ETV1: variants seen among roughly 807,000 people sequenced by gnomAD.
ETV1 encodes the protein ETS translocation variant 1.
Under a neutral mutation model 62.3 loss-of-function variants are expected in ETV1, and 27 were observed. The ratio of observed to expected loss-of-function variants is 0.43; its 90% CI spans 0.32 to 0.60. The LOEUF (loss-of-function observed/expected upper bound fraction) is 0.60, where lower values mean the gene tolerates loss of function less well. Ranked by LOEUF, ETV1 falls within the 20% of genes least tolerant of loss-of-function variation. ETV1 has a pLI of 0.06. For synonymous variants in ETV1, 222 were observed against 199.6 expected, an observed-to-expected ratio of 1.11 and a Z score of -0.94; for missense variants, 605 against 605.8, an observed-to-expected ratio of 1.00 and a Z score of 0.01.
intron 7 of ETV1, among the ~76,000 whole-genome samples, 153 bp downstream of exon 7, chr7:13,938,964 G>C (rs530700351): frequency 3.3e-5 from 5 of 152,278 alleles, no homozygotes; most frequent in Non-Finnish European, 5.9e-5. Context: ...GATGGTAAAT[G>C]GTTCTTTAGA....
chr7:13,986,258 C>T lies in ETV1; in HGVS notation c.181+380G>A, dbSNP rs182831375. ...GAACACCAAATAATGATATGCGCTGCTCTAAAGGAAACAGCAAGCCAGCCG... is the reference window on the plus strand; with the variant it reads ...GAACACCAAATAATGATATGCGCTGTTCTAAAGGAAACAGCAAGCCAGCCG... On this transcript the variant is annotated intron_variant, in intron 5 of 13. Coordinates refer to ENST00000430479, the MANE Select transcript of ETV1 (RefSeq NM_004956.5). 9.3e-5 allele frequency: 142 copies of T among 1,523,956 alleles called. No homozygotes were observed. The African/African-American group carries it at 1.8e-3, about 19-fold the overall frequency. 94.4% of individuals were successfully genotyped at this position (1,523,956 alleles called of 1,614,324 possible). A position where few individuals can be genotyped will look rare whatever the true frequency, so the allele number is the denominator to read the frequency against.
Position 13,902,212 on chromosome 7 carries a change from G to T in ETV1, c.1111-1373C>A, listed in dbSNP as rs112827136. On this transcript the variant is annotated intron_variant, in intron 12 of 13. Transcript: ENST00000430479. ...TATGTCATATATACTAAAATAGATT[G>T]CTTTTCAAAGAGATCATTCTGTCTC... 3.0e-3 allele frequency among the ~76,000 whole-genome samples: 461 copies of T among 151,832 alleles called. 3 individuals are homozygous for T. Among genetic ancestry groups the T allele is most frequent in the Non-Finnish European group, 5.1e-3 (347 of 67,956 alleles).
At chr7:13,909,782 A>G in intron 10 of ETV1, 82 bp from the exon 11 acceptor site, 1 of 1,221,972 alleles carries the variant, frequency 8.2e-7, no homozygotes, top group South Asian at 1.3e-5. Context: ...TAACATAAAA[A>G]TTGTGATAGA....
chr7:13,947,117 CCAAA>C (rs1482913574), intron 6 of ETV1, among the ~76,000 whole-genome samples: 1 of 152,120 alleles, frequency 6.6e-6, no homozygotes, highest in Non-Finnish European at 1.5e-5. Flanking sequence ...GAATAACTTC[CCAAA>C]CAATCATAAC....
chr7:13,909,743 A>G (rs770675563), intron 10 of ETV1, 43 bp from the exon 11 acceptor site: 1 of 1,493,504 alleles, frequency 6.7e-7, no homozygotes, highest in Admixed American at 1.7e-5. Context: ...ATAGAAATGA[A>G]GCTCACAAAC....
In ETV1 at chr7:13,988,328, T is replaced by C. The variant is rs574048831; in HGVS notation, c.46-155A>G. 36 of 597,384 alleles carry C rather than the reference T, an allele frequency of 6.0e-5. No individual in the cohort carries two copies. In the South Asian group the frequency reaches 6.8e-4, roughly 11 times the overall value. The allele number at this position is 597,384 out of a possible 1,614,324, so 37.0% of individuals were successfully genotyped here. Reference sequence around the variant, plus strand: ...TAGAAGTCCATAGTATCAACTCTAATATTCATTTTCTCACTTATTTGACAG... The same window carrying C: ...TAGAAGTCCATAGTATCAACTCTAACATTCATTTTCTCACTTATTTGACAG... On this transcript the variant is annotated intron_variant, in intron 3 of 13. Coordinates refer to ENST00000430479, the MANE Select transcript of ETV1 (RefSeq NM_004956.5).
rs1008840871 is a variant in ETV1 at position 13,891,509 on chromosome 7, T to C, written c.*4357A>G. On this transcript the variant is annotated 3_prime_UTR_variant, in exon 14 of 14. Coordinates refer to ENST00000430479, the MANE Select transcript of ETV1 (RefSeq NM_004956.5). Reference sequence around the variant, plus strand: ...ACTGAAAATTCTGAAATCATTAATATTTCTATAAAGATATCCACTTAGTCT... The same window carrying C: ...ACTGAAAATTCTGAAATCATTAATACTTCTATAAAGATATCCACTTAGTCT... 4.3e-6 allele frequency: 1 copy of C among 231,730 alleles called. No homozygotes were observed. The highest frequency in any genetic ancestry group is 5.6e-5 in the Admixed American group (1 of 17,728). 14.4% of individuals were successfully genotyped at this position (231,730 alleles called of 1,614,324 possible).
At chr7:13,911,919 C>T (rs1783607013) in intron 9 of ETV1, among the ~76,000 whole-genome samples, 1 of 152,052 alleles carries the variant, frequency 6.6e-6, no homozygotes. Flanking sequence ...CATTTTAGCC[C>T]AACTTCTTAA....
chr7:13,956,426 T>C (rs778919677), intron 6 of ETV1, among the ~76,000 whole-genome samples: 7 of 152,134 alleles, frequency 4.6e-5, no homozygotes, highest in Non-Finnish European at 8.8e-5. Flanking sequence ...ATCATTTCCA[T>C]CCTTCAGGAA....
intron 6 of ETV1, among the ~76,000 whole-genome samples, chr7:13,958,058 G>C (rs1789701020): frequency 6.6e-6 from 1 of 152,116 alleles, no homozygotes; most frequent in South Asian, 2.1e-4. Context: ...TAAATTCTTA[G>C]CCAGTGACTA....
chr7:13,924,889 G>T (rs1406822728), intron 9 of ETV1, among the ~76,000 whole-genome samples: 1 of 152,042 alleles, frequency 6.6e-6, no homozygotes, highest in Non-Finnish European at 1.5e-5. Context: ...ATTTATTTGT[G>T]TCAACTTCCC....
In ETV1 at chr7:13,989,375, G is replaced by T. The variant is rs1051339943; in HGVS notation, c.-195C>A. Reference sequence around the variant, plus strand: ...ATTTACACTCTCGATGTTTCCCTGCGCGGTCGGTGTACCCCGGGCAGCTCT... The same window carrying T: ...ATTTACACTCTCGATGTTTCCCTGCTCGGTCGGTGTACCCCGGGCAGCTCT... On this transcript the variant is annotated 5_prime_UTR_variant, in exon 2 of 14. Transcript: ENST00000430479. 4.1e-6 allele frequency: 2 copies of T among 484,358 alleles called. No individual in the cohort carries two copies. The highest frequency in any genetic ancestry group is 4.0e-5 in the African/African-American group (2 of 49,952). 30.0% of individuals were successfully genotyped at this position (484,358 alleles called of 1,614,324 possible). A position where few individuals can be genotyped will look rare whatever the true frequency, so the allele number is the denominator to read the frequency against.
chr7:13,988,625 A>AG, intron 3 of ETV1: 1 of 1,531,812 alleles, frequency 6.5e-7, no homozygotes, highest in South Asian at 1.3e-5. Context: ...AATGAGAAAA[A>AG]AAAAAGAAAC....
At chr7:13,911,076 G>C (rs1216161964) in intron 10 of ETV1, among the ~76,000 whole-genome samples, 163 bp downstream of exon 10, 1 of 152,132 alleles carries the variant, frequency 6.6e-6, no homozygotes, top group Admixed American at 6.5e-5. Context: ...ACCACTACTT[G>C]AAACATCTTC....
chr7:13,915,508 C>A lies in ETV1; in HGVS notation c.803-4201G>T, dbSNP rs143570967. The stretch of plus-strand genomic sequence containing the variant: ...CATTTTATCTCTTTTAAACTTAGTA[C>A]TTCACTAGATTTTTTGTTTGCTTAC... On this transcript the variant is annotated intron_variant, in intron 9 of 13. Transcript: ENST00000430479. Among the ~76,000 whole-genome samples the A allele has an allele frequency of 1.1e-4, 17 of 152,230 alleles. No individual in the cohort carries two copies. In the East Asian group the frequency reaches 3.3e-3, roughly 29 times the overall value.
intron 6 of ETV1, among the ~76,000 whole-genome samples, chr7:13,960,530 G>A (rs1290008318): frequency 6.6e-6 from 1 of 151,894 alleles, no homozygotes; most frequent in East Asian, 1.9e-4. Flanking sequence ...CACAAAAATA[G>A]CAAATTATAA....
At chr7:13,899,758 T>C (rs935861906) in intron 13 of ETV1, among the ~76,000 whole-genome samples, 1 of 152,148 alleles carries the variant, frequency 6.6e-6, no homozygotes, top group Non-Finnish European at 1.5e-5. Flanking sequence ...TCTTCATTCA[T>C]TTATTTATTC....
At chr7:13,984,588 C>T (rs926895565) in intron 5 of ETV1, among the ~76,000 whole-genome samples, 1 of 151,956 alleles carries the variant, frequency 6.6e-6, no homozygotes, top group African/African-American at 2.4e-5. Context: ...GATAAATTAA[C>T]GTAAACTGTT....
intron 9 of ETV1, among the ~76,000 whole-genome samples, chr7:13,922,552 C>T (rs953752123): frequency 1.3e-5 from 2 of 152,088 alleles, no homozygotes; most frequent in Non-Finnish European, 2.9e-5. Context: ...TAGCAACTTA[C>T]CTGGGCAAGA....
Sources: allele counts gnomAD v4.1 joint callset (sites outside exome capture counted in the v4.1 genomes callset), GRCh38; gene constraint gnomAD v4.1.1; transcripts MANE v1.5; gene names NCBI Gene and HGNC (gene_info 2026-07-23, HGNC 2026-07-21).